Variants in RO60 observed in about 807,000 individuals in gnomAD.
RO60 encodes the protein RNA-binding protein RO60.
Under a neutral mutation model 55.3 loss-of-function variants are expected in RO60, and 20 were observed. The ratio of observed to expected loss-of-function variants is 0.36; its 90% confidence interval spans 0.25 to 0.53. The LOEUF (loss-of-function observed/expected upper bound fraction) is 0.53. RO60 is among the 20% of genes least tolerant of loss of function. RO60 has a pLI of 0.92. For missense variants in RO60, 558 were observed against 646.6 expected (o/e 0.86, Z 1.49); for synonymous variants, 213 against 213.6 (o/e 1.00, Z 0.02).
chr1:193,075,353 C>CCTA (rs200246210), intron 2 of RO60, among the ~76,000 whole-genome samples: 1,881 of 147,894 alleles, frequency 0.013, 17 homozygotes, highest in South Asian at 0.033. Flanking sequence ...AAAGAAGCTA[C>CCTA]CCTGTCCACT....
intron 7 of RO60, 46 bp downstream of exon 7, chr1:193,082,345 C>G (rs770172861): frequency 2.8e-6 from 4 of 1,438,034 alleles, no homozygotes; most frequent in Admixed American, 2.0e-5. Flanking sequence ...GTTTACATAA[C>G]GTGTAGAATG....
chr1:193,077,411 T>C (rs2103058278), intron 5 of RO60, among the ~76,000 whole-genome samples: 1 of 152,304 alleles, frequency 6.6e-6, no homozygotes, highest in Admixed American at 6.5e-5. Flanking sequence ...GCACAGTGGC[T>C]ACTGCCCTGC....
intron 1 of RO60, among the ~76,000 whole-genome samples, chr1:193,061,860 T>C (rs1368993353): frequency 6.6e-6 from 1 of 151,926 alleles, no homozygotes; most frequent in Non-Finnish European, 1.5e-5. Flanking sequence ...GGCAGGCGCC[T>C]GTAATCCCAG....
At chr1:193,070,907 A>C (rs1673446177) in intron 2 of RO60, among the ~76,000 whole-genome samples, 1 of 152,246 alleles carries the variant, frequency 6.6e-6, no homozygotes, top group Admixed American at 6.5e-5. Flanking sequence ...ATGTTTTAAA[A>C]TAGTTGAATA....
chr1:193,069,080 A>G lies in RO60; in HGVS notation c.26A>G (p.Gln9Arg), dbSNP rs1673306625. 1 of 1,611,384 alleles carries G rather than the reference A, an allele frequency of 6.2e-7. No homozygotes were observed. The highest frequency in any genetic ancestry group is 1.3e-5 in the African/African-American group (1 of 75,014). ...ATGGAGGAATCTGTAAACCAAATGC[A>G]GCCACTGAATGAGAAGCAGATAGCC... is the stretch of plus-strand genomic sequence containing the variant. MEESVNQM[Q>R]PLNEKQIANS... Residue 9 changes from glutamine (Q) to arginine (R), a missense_variant, in exon 2 of 9, where the codon CAG (glutamine) becomes CGG (arginine). Gln to Arg is a conservative substitution (Grantham distance 43). Coordinates refer to ENST00000400968, the MANE Select transcript of RO60 (RefSeq NM_001173524.2).
intron 3 of RO60, among the ~76,000 whole-genome samples, 164 bp downstream of exon 3, chr1:193,076,204 A>G (rs982901899): frequency 1.3e-5 from 2 of 152,106 alleles, no homozygotes; most frequent in African/African-American, 4.8e-5. Context: ...ATGATGTCCA[A>G]CATGATGTAG....
chr1:193,076,434 T>C, intron 3 of RO60, 67 bp from the exon 4 acceptor site: 1 of 1,490,350 alleles, frequency 6.7e-7, no homozygotes, highest in African/African-American at 1.4e-5. Context: ...TATTTTTTTA[T>C]ATAGGTATGT....
At chr1:193,067,949 T>G (rs1673228234) in intron 1 of RO60, among the ~76,000 whole-genome samples, 1 of 152,198 alleles carries the variant, frequency 6.6e-6, no homozygotes, top group South Asian at 2.1e-4. Context: ...TCTGCTCTCT[T>G]TATATATTGG....
chr1:193,076,837 TA>T (rs996907579), intron 4 of RO60, 75 bp from the exon 5 acceptor site: 81 of 1,462,394 alleles, frequency 5.5e-5, no homozygotes, highest in Non-Finnish European at 7.2e-5. Flanking sequence ...AGTTATTAGC[TA>T]CAATAACACA....
chr1:193,070,128 A>C (rs542526054), intron 2 of RO60, among the ~76,000 whole-genome samples: 145 of 152,098 alleles, frequency 9.5e-4, no homozygotes, highest in Non-Finnish European at 1.6e-3. Context: ...GTAACCAATA[A>C]AATGCTAAGT....
chr1:193,076,843 AAC>A (rs1673956751), intron 4 of RO60, 68 bp from the exon 5 acceptor site: 6 of 1,492,196 alleles, frequency 4.0e-6, no homozygotes, highest in African/African-American at 2.8e-5. Context: ...TAGCTACAAT[AAC>A]ACAAAAATCT....
rs2103086761 is a variant in RO60 at position 193,088,127 on chromosome 1, C to T, written c.*3396C>T. ...AGTTCAAGTGATCTTCCCAAGTAGC[C>T]AGGAACACTGGTGTGCACTGCACTA... On this transcript the variant is annotated 3_prime_UTR_variant, in exon 9 of 9. Coordinates refer to ENST00000400968, the MANE Select transcript of RO60 (RefSeq NM_001173524.2). 1 of 147,244 alleles carries T rather than the reference C, an allele frequency of 6.8e-6. No homozygotes were observed. Among genetic ancestry groups the T allele is most frequent in the Middle Eastern group, 3.6e-3 (1 of 278 alleles). The allele number at this position is 147,244 out of a possible 1,614,324, so 9.1% of individuals were successfully genotyped here.
intron 1 of RO60, among the ~76,000 whole-genome samples, chr1:193,066,457 C>T (rs968322471): frequency 3.9e-5 from 6 of 152,190 alleles, no homozygotes; most frequent in African/African-American, 9.7e-5. Flanking sequence ...CAGTTGCTCT[C>T]ACTAGTCACT....
intron 2 of RO60, among the ~76,000 whole-genome samples, chr1:193,074,423 G>A (rs908953027): frequency 4.6e-5 from 7 of 152,200 alleles, no homozygotes; most frequent in South Asian, 2.1e-4. Flanking sequence ...TTTAATGATC[G>A]TCATTCTAAC....
In RO60 at chr1:193,075,784, T is replaced by A. The variant is rs201787189; in HGVS notation, c.581-36T>A. The A allele has an allele frequency of 3.4e-6, 5 of 1,476,146 alleles. No individual in the cohort carries two copies. In the East Asian group the frequency reaches 9.1e-5, roughly 27 times the overall value. The allele number at this position is 1,476,146 out of a possible 1,614,324, so 91.4% of individuals were successfully genotyped here. Reference sequence around the variant, plus strand: ...CATGTTCTGTTTTTTTACTTGGTAATCCTGCATGCTTTTTCAATTCTTTAT... The same window carrying A: ...CATGTTCTGTTTTTTTACTTGGTAAACCTGCATGCTTTTTCAATTCTTTAT... On this transcript the variant is annotated intron_variant, in intron 2 of 8. Transcript: ENST00000400968.
At chr1:193,071,133 C>G (rs186111849) in intron 2 of RO60, among the ~76,000 whole-genome samples, 1 of 152,272 alleles carries the variant, frequency 6.6e-6, no homozygotes, top group Admixed American at 6.5e-5. Flanking sequence ...CTCACATGCT[C>G]AGATCATAGT....
chr1:193,084,545 T>C (rs56055376), intron 8 of RO60, 34 bp from the exon 9 acceptor site: 20,053 of 1,582,180 alleles, frequency 0.013, 221 homozygotes, highest in South Asian at 0.037. Context: ...CTTACATTTA[T>C]GTTTTTAATA....
chr1:193,073,961 C>T (rs1220288588), intron 2 of RO60, among the ~76,000 whole-genome samples: 1 of 146,842 alleles, frequency 6.8e-6, no homozygotes, highest in Non-Finnish European at 1.5e-5. Flanking sequence ...TTGTTCAATT[C>T]CCACCTATGA....
At chr1:193,062,822 A>C (rs542661915) in intron 1 of RO60, among the ~76,000 whole-genome samples, 1 of 152,190 alleles carries the variant, frequency 6.6e-6, no homozygotes, top group African/African-American at 2.4e-5. Context: ...GACTTGGCAT[A>C]ATGTTTTCAA....
Sources: allele counts gnomAD v4.1 joint callset (sites outside exome capture counted in the v4.1 genomes callset), GRCh38; gene constraint gnomAD v4.1.1; transcripts MANE v1.5; gene names NCBI Gene and HGNC (gene_info 2026-07-23, HGNC 2026-07-21).